CDH23: variants seen among roughly 807,000 people sequenced by gnomAD.
The protein encoded by CDH23 is cadherin-23.
CDH23 carries 189 observed loss-of-function variants against 317.1 expected under a neutral mutation model. The observed-to-expected ratio is 0.60, with a 90% CI of 0.53 to 0.67. CDH23 has a LOEUF of 0.67. CDH23 is among the 30% of genes least tolerant of loss of function. The pLI is 0.00. For missense variants in CDH23, 4,401 were observed against 4,592.4 expected (o/e 0.96, Z 1.20); for synonymous variants, 1,839 against 1,876.8 (o/e 0.98, Z 0.52).
At chr10:71,638,319 G>A (rs1862372578) in intron 11 of CDH23, among the ~76,000 whole-genome samples, 1 of 152,214 alleles carries the variant, frequency 6.6e-6, no homozygotes, top group Non-Finnish European at 1.5e-5. Context: ...TGATGGCAGA[G>A]AGAGACAAAC....
intron 11 of CDH23, among the ~76,000 whole-genome samples, chr10:71,633,372 C>G (rs948945220): frequency 4.6e-5 from 7 of 152,100 alleles, no homozygotes; most frequent in Non-Finnish European, 2.9e-5. Context: ...GCCTTTATCC[C>G]TTCGTCCATT....
Position 71,812,593 on chromosome 10 carries a change from G to A in CDH23, c.9494G>A (p.Ser3165Asn), listed in dbSNP as rs2133007260. ...NLSEIADLWN[S>N]PTRTHGTFGR... ...AGTGAGATCGCCGACCTGTGGAACA[G>A]CCCCACGCGCACCCATGTGAGCCAG... The change falls in exon 67 of 70, where the codon AGC becomes AAC. Residue 3165 changes from serine to asparagine, a missense_variant. By Grantham distance (46) the Ser-to-Asn change is conservative. This residue lies in a region of CDH23 where 1,144 missense variants were observed against 1,138.2 expected (regional missense o/e 1.01). Coordinates refer to ENST00000224721, the MANE Select transcript of CDH23 (RefSeq NM_022124.6). 6.2e-7 allele frequency: 1 copy of A among 1,613,950 alleles called. No homozygotes were observed. The highest frequency in any genetic ancestry group is 2.2e-5 in the East Asian group (1 of 44,894).
chr10:71,687,871 G>A (rs1242247918), intron 19 of CDH23, among the ~76,000 whole-genome samples, 152 bp downstream of exon 19: 1 of 152,168 alleles, frequency 6.6e-6, no homozygotes, highest in East Asian at 1.9e-4. Context: ...AAATCGGGGA[G>A]CCTTTGGAAA....
rs926937763 is a variant in CDH23, at chr10:71,739,101, G to A, written c.4359+454G>A. On this transcript the variant is annotated intron_variant, in intron 35 of 69. Coordinates refer to ENST00000224721, the MANE Select transcript of CDH23 (RefSeq NM_022124.6). ...TTTCATCTGTTCCGTGCATTAGGCCGTGTGTTTGCGGGTGTTAGCATGGCT... is the reference window on the plus strand; with the variant it reads ...TTTCATCTGTTCCGTGCATTAGGCCATGTGTTTGCGGGTGTTAGCATGGCT... Among the ~76,000 whole-genome samples, 7 of 152,298 alleles carry A rather than the reference G, an allele frequency of 4.6e-5. No individual in the cohort carries two copies. In the East Asian group the frequency reaches 5.8e-4, roughly 13 times the overall value.
At chr10:71,734,395 C>A in intron 33 of CDH23, 54 bp downstream of exon 33, 1 of 1,544,288 alleles carries the variant, frequency 6.5e-7, no homozygotes, top group Non-Finnish European at 8.8e-7. Context: ...CTGGCCATGA[C>A]ACTTCCTAAC....
At position 71,621,215 on chromosome 10, in the gene CDH23, G is replaced by A. The variant is rs1213333646; in HGVS notation, c.1134+3822G>A. On this transcript the variant is annotated intron_variant, in intron 11 of 69. Coordinates refer to ENST00000224721, the MANE Select transcript of CDH23 (RefSeq NM_022124.6). Reference sequence around the variant, plus strand: ...TCTGAGGAAAAAATACATCTGTTGGGATTTGTGTCTGGGTTGAAGGTGACT... The same window carrying A: ...TCTGAGGAAAAAATACATCTGTTGGAATTTGTGTCTGGGTTGAAGGTGACT... Among the ~76,000 whole-genome samples the A allele has an allele frequency of 2.0e-5, 3 of 152,218 alleles. No individual in the cohort carries two copies. In the East Asian group the frequency reaches 5.8e-4, roughly 29 times the overall value.
intron 9 of CDH23, among the ~76,000 whole-genome samples, chr10:71,592,210 C>A (rs755381073): frequency 1.3e-5 from 2 of 152,160 alleles, no homozygotes; most frequent in Non-Finnish European, 2.9e-5. Flanking sequence ...CTGTGAGGCT[C>A]AGGGTTCCCA....
At chr10:71,549,910 A>G (rs973927208) in intron 6 of CDH23, among the ~76,000 whole-genome samples, 5 of 152,068 alleles carry the variant, frequency 3.3e-5, no homozygotes, top group African/African-American at 1.2e-4. Flanking sequence ...GTGGGACTAC[A>G]AGGTCCCACA....
chr10:71,416,888 A>G (rs1848556766), intron 1 of CDH23, among the ~76,000 whole-genome samples: 1 of 152,194 alleles, frequency 6.6e-6, no homozygotes, highest in Non-Finnish European at 1.5e-5. Context: ...TAAAGAGGTC[A>G]TTCATTTCAT....
intron 69 of CDH23, among the ~76,000 whole-genome samples, chr10:71,814,559 T>C (rs1162364331): frequency 1.3e-5 from 2 of 152,194 alleles, no homozygotes; most frequent in South Asian, 2.1e-4. Context: ...CGTGGGAGGC[T>C]GAGGCCGGAG....
intron 14 of CDH23, chr10:71,647,059 C>T: frequency 1.3e-5 from 13 of 985,454 alleles, no homozygotes; most frequent in Non-Finnish European, 1.6e-5. Flanking sequence ...TGCCCTTTGA[C>T]AAGGGGCCCT....
At chr10:71,795,821 T>G (rs1376853645) in intron 48 of CDH23, 1 of 986,368 alleles carries the variant, frequency 1.0e-6, no homozygotes, top group Non-Finnish European at 1.2e-6. Context: ...CTCTTCCTCA[T>G]GGCTGGCAGG....
At position 71,542,857 on chromosome 10, in the gene CDH23, G is replaced by A. The variant is rs139033893; in HGVS notation, c.430-23885G>A. Among the ~76,000 whole-genome samples the A allele has an allele frequency of 5.9e-5, 9 of 152,328 alleles. No individual in the cohort carries two copies. The East Asian group carries it at 1.5e-3, about 26-fold the overall frequency. ...GAGGCACAGGCTGAGCGGGTTCTTC[G>A]AGGCTCTGAACAGCAAGCCCCTTTC... On this transcript the variant is annotated intron_variant, in intron 6 of 69. Transcript: ENST00000224721.
chr10:71,648,438 A>C (rs1331241540), intron 14 of CDH23, among the ~76,000 whole-genome samples: 1 of 152,182 alleles, frequency 6.6e-6, no homozygotes, highest in Non-Finnish European at 1.5e-5. Flanking sequence ...CGTGGCAAAG[A>C]ATTCTAGTGT....
intron 2 of CDH23, among the ~76,000 whole-genome samples, chr10:71,443,485 CCTCT>C (rs1212934551): frequency 6.6e-6 from 1 of 152,260 alleles, no homozygotes; most frequent in Non-Finnish European, 1.5e-5. Flanking sequence ...CCTTCTCTCC[CCTCT>C]CTCCTCAGGC....
chr10:71,518,327 A>G (rs1023651975), intron 6 of CDH23, among the ~76,000 whole-genome samples: 1 of 152,190 alleles, frequency 6.6e-6, no homozygotes, highest in South Asian at 2.1e-4. Context: ...ACCTGCCAGC[A>G]TCTTTGCATG....
intron 3 of CDH23, among the ~76,000 whole-genome samples, chr10:71,462,952 C>T (rs1851077424): frequency 1.3e-5 from 2 of 152,350 alleles, no homozygotes; most frequent in African/African-American, 4.8e-5. Flanking sequence ...CAAGAGTGAA[C>T]AACCTCTTCA....
At chr10:71,713,314 C>A in intron 28 of CDH23, 1 of 778,476 alleles carries the variant, frequency 1.3e-6, no homozygotes. Flanking sequence ...AAGGGAGGAC[C>A]CTGAAAACAA....
At chr10:71,766,036 G>A (rs1840535066) in intron 38 of CDH23, among the ~76,000 whole-genome samples, 1 of 152,216 alleles carries the variant, frequency 6.6e-6, no homozygotes, top group African/African-American at 2.4e-5. Flanking sequence ...GGGGAGAGGG[G>A]CAGCGCACAG....
Sources: gnomAD v4.1 joint callset for allele counts (sites outside exome capture counted in the v4.1 genomes callset) on GRCh38, gnomAD v4.1.1 for gene constraint, gnomAD v4.1.1 regional missense constraint, MANE v1.5 for transcripts, NCBI Gene and HGNC (gene_info 2026-07-23, HGNC 2026-07-21) for gene names.